The following SYTL5 variants were observed in gnomAD, a reference collection of about 807,000 sequenced individuals.
The protein encoded by SYTL5 is synaptotagmin like 5.
In SYTL5, 34 loss-of-function variants were observed where a neutral mutation model predicts 55.9. The observed-to-expected ratio is 0.61, with a 90% CI of 0.46 to 0.81. SYTL5 has a LOEUF of 0.81. Among genes scored for constraint, SYTL5 ranks in the 30% least tolerant of loss-of-function variants. The probability of loss-of-function intolerance (pLI) is 0.00; values close to 1 mark genes in which losing one functional copy is unlikely to be tolerated. For synonymous variants in SYTL5, 221 were observed against 188.7 expected (o/e 1.17, Z -1.40); for missense variants, 637 against 546.7 (o/e 1.17, Z -1.65).
chrX:37,967,131 G>A, the SYTL5 span, among the ~76,000 whole-genome samples: 39,863 of 110,026 alleles, frequency 0.36, 5,206 homozygotes, highest in East Asian at 0.6. Context: ...GGCTTACGGC[G>A]ACCTCTGCCT....
At chrX:37,898,324 G>A in the SYTL5 span, among the ~76,000 whole-genome samples, 24 of 111,471 alleles carry the variant, frequency 2.2e-4, no homozygotes, top group African/African-American at 7.8e-4. Context: ...TGAATGTGGG[G>A]GGACACAAAC....
chrX:37,936,872 T>A, the SYTL5 span, among the ~76,000 whole-genome samples: 17 of 100,912 alleles, frequency 1.7e-4, no homozygotes, highest in Non-Finnish European at 3.1e-4. Flanking sequence ...AGAAACCCTG[T>A]CTCTCTTAAA....
At chrX:38,015,169 A>G (rs774501960) in intron 1 of SYTL5, among the ~76,000 whole-genome samples, 1 of 112,786 alleles carries the variant, frequency 8.9e-6, no homozygotes, top group East Asian at 2.8e-4. Context: ...AAAAGCATTA[A>G]GGCAAGTATA....
At chrX:37,996,977 A>T in the SYTL5 span, among the ~76,000 whole-genome samples, 1 of 112,735 alleles carries the variant, frequency 8.9e-6, no homozygotes, top group African/African-American at 3.2e-5. Context: ...GTTTTTAAGG[A>T]AAATTATTTT....
At chrX:38,072,985 G>C (rs1045313889) in intron 4 of SYTL5, among the ~76,000 whole-genome samples, 1 of 111,564 alleles carries the variant, frequency 9.0e-6, no homozygotes, top group African/African-American at 3.3e-5. Flanking sequence ...GAGAAGGCTT[G>C]GAACTGATTC....
At chrX:37,926,868 G>C in the SYTL5 span, among the ~76,000 whole-genome samples, 1 of 111,615 alleles carries the variant, frequency 9.0e-6, no homozygotes, top group Non-Finnish European at 1.9e-5. Context: ...GTGTGTGATA[G>C]TTGCTCTGTC....
chrX:38,007,108 T>G (rs1481966191), intron 1 of SYTL5, among the ~76,000 whole-genome samples: 6 of 111,984 alleles, frequency 5.4e-5, no homozygotes, highest in African/African-American at 1.6e-4. Flanking sequence ...CCTTTTGCTC[T>G]GAATTTCTTT....
intron 2 of SYTL5, among the ~76,000 whole-genome samples, chrX:38,043,655 A>ATGTG (rs1238012302): frequency 6.4e-5 from 4 of 62,697 alleles, no homozygotes; most frequent in South Asian, 9.7e-4. Context: ...TTATGTATGT[A>ATGTG]TGTATGTATA....
At chrX:38,041,052 A>G (rs1409773912) in intron 2 of SYTL5, among the ~76,000 whole-genome samples, 1 of 111,909 alleles carries the variant, frequency 8.9e-6, no homozygotes, top group East Asian at 2.8e-4. Context: ...TAATATCTCC[A>G]AGAGACCACA....
intron 3 of SYTL5, among the ~76,000 whole-genome samples, chrX:38,058,923 G>T (rs1265602404): frequency 9.0e-6 from 1 of 110,852 alleles, no homozygotes; most frequent in African/African-American, 3.3e-5. Context: ...AGGTAGTCAA[G>T]ATATGCATCT....
chrX:37,990,908 TGAGCTACAGGTCCCTAG>T, the SYTL5 span: 1 of 1,211,342 alleles, frequency 8.3e-7, no homozygotes, highest in Non-Finnish European at 1.1e-6. Context: ...CTTCTAGAAA[TGAGCTACAGGTCCCTAG>T]GAGCTTCGTG....
At chrX:37,914,383 G>C in the SYTL5 span, among the ~76,000 whole-genome samples, 1 of 111,695 alleles carries the variant, frequency 9.0e-6, no homozygotes, top group Non-Finnish European at 1.9e-5. Flanking sequence ...TATTTCAACA[G>C]AGTAAAAATG....
intron 10 of SYTL5, 48 bp from the exon 11 acceptor site, chrX:38,106,545 G>C (rs1937214457): frequency 9.5e-7 from 1 of 1,056,994 alleles, no homozygotes; most frequent in Non-Finnish European, 1.3e-6. Flanking sequence ...TCTGTGAAGA[G>C]ATCATTAGAA....
intron 10 of SYTL5, among the ~76,000 whole-genome samples, chrX:38,106,228 G>A (rs1937208287): frequency 8.9e-6 from 1 of 112,325 alleles, no homozygotes; most frequent in East Asian, 2.8e-4. Flanking sequence ...TTGAACTTGA[G>A]TCTAACAGTG....
At chrX:38,075,565 G>C (rs1487138751) in intron 5 of SYTL5, among the ~76,000 whole-genome samples, 1 of 111,587 alleles carries the variant, frequency 9.0e-6, no homozygotes. Context: ...TCCAGGCAGA[G>C]GAGATACCTT....
the SYTL5 span, among the ~76,000 whole-genome samples, chrX:37,986,480 C>T: frequency 8.9e-6 from 1 of 112,151 alleles, no homozygotes; most frequent in African/African-American, 3.2e-5. Context: ...GATAACATAA[C>T]CGATTAGGTC....
chrX:37,895,471 TCC>T, the SYTL5 span, among the ~76,000 whole-genome samples: 1 of 75,517 alleles, frequency 1.3e-5, no homozygotes, highest in Admixed American at 1.4e-4. Context: ...CCTCCCTCCC[TCC>T]CTCTCTCTCT....
chrX:37,976,753 C>T, the SYTL5 span, among the ~76,000 whole-genome samples: 4 of 105,248 alleles, frequency 3.8e-5, no homozygotes, highest in African/African-American at 1.4e-4. Context: ...AGCAGATCAC[C>T]GACCAGCCTT....
the SYTL5 span, among the ~76,000 whole-genome samples, chrX:37,954,815 C>G: frequency 9.0e-6 from 1 of 111,539 alleles, no homozygotes; most frequent in Non-Finnish European, 1.9e-5. Context: ...ACATCGTGTG[C>G]AAAGCTCTTT....
Sources: gnomAD v4.1 joint callset for allele counts (sites outside exome capture counted in the v4.1 genomes callset) on GRCh38, gnomAD v4.1.1 for gene constraint, MANE v1.5 for transcripts, NCBI Gene and HGNC (gene_info 2026-07-23, HGNC 2026-07-21) for gene names.